RBM34: variants seen among roughly 807,000 people sequenced by gnomAD.
The protein encoded by RBM34 is RNA-binding protein 34.
In RBM34, 39 loss-of-function variants were observed where a neutral mutation model predicts 44.6. That is an observed-to-expected ratio of 0.87 (90% CI 0.68 to 1.14). The LOEUF is 1.14. RBM34 is among the 50% of genes most tolerant of loss of function. The probability of loss-of-function intolerance (pLI) is 0.00; values close to 1 mark genes in which losing one functional copy is unlikely to be tolerated. For synonymous variants in RBM34, 194 were observed against 184.0 expected, an observed-to-expected ratio of 1.05 and a Z score of -0.44; for missense variants, 572 against 517.9, an observed-to-expected ratio of 1.10 and a Z score of -1.01.
chr1:235,149,647 T>G (rs1451896638), intron 5 of RBM34, among the ~76,000 whole-genome samples: 1 of 152,034 alleles, frequency 6.6e-6, no homozygotes, highest in Non-Finnish European at 1.5e-5. Context: ...TAAGAGTGGA[T>G]GGGGCAGGTA....
In RBM34 at chr1:235,161,080, GA is replaced by G. The variant is rs774067495; in HGVS notation, c.54-14del. On this transcript the variant is annotated splice_polypyrimidine_tract_variant and intron_variant, in intron 1 of 10. Coordinates refer to ENST00000408888, the MANE Select transcript of RBM34 (RefSeq NM_015014.4). ...GTCAGGATTCTCTCTAGAAATGGAC[GA>G]CAGAAACTCAGCCACGCCACGCACC... 1 of 1,609,656 alleles carries G rather than the reference GA, an allele frequency of 6.2e-7. No individual in the cohort carries two copies. The highest frequency in any genetic ancestry group is 1.3e-5 in the African/African-American group (1 of 74,896).
intron 6 of RBM34, among the ~76,000 whole-genome samples, chr1:235,143,519 T>C (rs2102839572): frequency 1.3e-5 from 2 of 152,322 alleles, no homozygotes; most frequent in East Asian, 3.9e-4. Flanking sequence ...GCGGATCACC[T>C]GAGGTCAGGA....
At chr1:235,141,724 C>A (rs937774404) in intron 6 of RBM34, among the ~76,000 whole-genome samples, 1 of 152,138 alleles carries the variant, frequency 6.6e-6, no homozygotes, top group Non-Finnish European at 1.5e-5. Flanking sequence ...AGCGAGACCA[C>A]GAGGCCACCG....
At chr1:235,158,066 TA>T (rs67385289) in intron 3 of RBM34, among the ~76,000 whole-genome samples, 22,721 of 151,596 alleles carry the variant, frequency 0.15, 1,851 homozygotes, top group Middle Eastern at 0.22. Context: ...TTTTGGCGGT[TA>T]GGGGGAATGT....
rs754290166 is a variant in RBM34 at position 235,135,741 on chromosome 1, A to G, written c.919T>C (p.Phe307Leu). The part of the protein sequence containing the change: ...KVEESAIEKH[F>L]LDCGSIMAVR... Reference sequence around the variant, plus strand: ...GCCATGATACTTCCACAGTCCAGAAAGTGCTTCTCAATGGCAGATTCTTCA... The same window carrying G: ...GCCATGATACTTCCACAGTCCAGAAGGTGCTTCTCAATGGCAGATTCTTCA... The change falls in exon 10 of 11, where the codon TTT (phenylalanine) becomes CTT (leucine). Residue 307 changes from phenylalanine to leucine, a missense_variant. Transcript: ENST00000408888. The G allele has an allele frequency of 1.9e-6, 3 of 1,614,212 alleles. No individual in the cohort carries two copies. Among genetic ancestry groups the G allele is most frequent in the East Asian group, 2.2e-5 (1 of 44,888 alleles).
chr1:235,136,783 C>T (rs561861326), intron 8 of RBM34, among the ~76,000 whole-genome samples: 77 of 152,282 alleles, frequency 5.1e-4, no homozygotes, highest in African/African-American at 1.8e-3. Context: ...GTGTGAAGCA[C>T]GGTAGACAAG....
chr1:235,136,722 C>G (rs1170992926), intron 8 of RBM34, among the ~76,000 whole-genome samples: 2 of 152,212 alleles, frequency 1.3e-5, no homozygotes, highest in Non-Finnish European at 2.9e-5. Flanking sequence ...GGTCATGTCA[C>G]TCTTAGTTTA....
intron 4 of RBM34, among the ~76,000 whole-genome samples, chr1:235,154,119 G>A (rs560481960): frequency 1.2e-4 from 19 of 152,168 alleles, no homozygotes; most frequent in South Asian, 4.1e-4. Flanking sequence ...GGTGGCGGGC[G>A]CTTGTAGTCC....
chr1:235,153,707 T>TG (rs1194056452), intron 4 of RBM34, among the ~76,000 whole-genome samples: 2 of 152,168 alleles, frequency 1.3e-5, no homozygotes, highest in Non-Finnish European at 2.9e-5. Flanking sequence ...ATTACAGGTG[T>TG]GGGCCACCAC....
At chr1:235,160,834 AT>A in intron 2 of RBM34, 58 bp downstream of exon 2, 1 of 1,584,110 alleles carries the variant, frequency 6.3e-7, no homozygotes, top group South Asian at 1.1e-5. Context: ...AGGTAAGAAG[AT>A]TGCTTTGTAT....
In RBM34 at chr1:235,131,888, G is replaced by A; in HGVS notation, c.1118C>T (p.Ser373Leu). Residue 373 changes from serine to leucine, a missense_variant, in exon 11 of 11, where the codon TCA (serine) becomes TTA (leucine). Coordinates refer to ENST00000408888, the MANE Select transcript of RBM34 (RefSeq NM_015014.4). The part of the protein sequence containing the change: ...VNKEKFKQQN[S>L]NPRLKNVSKP... ...ACTGACATTCTTCAATCGTGGATTTGAATTTTGTTGTTTAAATTTTTCTTT... is the reference window on the plus strand; with the variant it reads ...ACTGACATTCTTCAATCGTGGATTTAAATTTTGTTGTTTAAATTTTTCTTT... The A allele has an allele frequency of 6.2e-7, 1 of 1,614,052 alleles. No individual in the cohort carries two copies. Among genetic ancestry groups the A allele is most frequent in the Non-Finnish European group, 8.5e-7 (1 of 1,179,986 alleles).
intron 10 of RBM34, 152 bp from the exon 11 acceptor site, chr1:235,132,149 TCTC>T (rs2102820128): frequency 4.5e-6 from 3 of 670,282 alleles, no homozygotes; most frequent in Middle Eastern, 4.2e-4. Flanking sequence ...GCACTCGAAG[TCTC>T]CTCATCACCA....
At chr1:235,153,329 A>C (rs1250256544) in intron 4 of RBM34, among the ~76,000 whole-genome samples, 1 of 152,126 alleles carries the variant, frequency 6.6e-6, no homozygotes, top group Non-Finnish European at 1.5e-5. Flanking sequence ...CTTTTCTTTC[A>C]ATCTTTTATA....
At position 235,135,716 on chromosome 1, in the gene RBM34, G is replaced by C. The variant is rs573981245; in HGVS notation, c.944C>G (p.Ala315Gly). 1 of 1,614,158 alleles carries C rather than the reference G, an allele frequency of 6.2e-7. No individual in the cohort carries two copies. The highest frequency in any genetic ancestry group is 1.3e-5 in the African/African-American group (1 of 75,020). The change falls in exon 10 of 11, where the codon GCC (alanine) becomes GGC (glycine). Residue 315 changes from alanine (A) to glycine (G), a missense_variant. Physicochemically the swap from Ala to Gly is moderately conservative, Grantham distance 60 (BLOSUM62 0). Transcript: ENST00000408888. Reference sequence around the variant, plus strand: ...CATTTTGTCTCTCACAATCCTCACGGCCATGATACTTCCACAGTCCAGAAA... The same window carrying C: ...CATTTTGTCTCTCACAATCCTCACGCCCATGATACTTCCACAGTCCAGAAA... Reference protein sequence around the residue: ...KHFLDCGSIMAVRIVRDKMTG... With the variant: ...KHFLDCGSIMGVRIVRDKMTG...
intron 6 of RBM34, among the ~76,000 whole-genome samples, chr1:235,142,318 G>A (rs571915825): frequency 3.9e-5 from 6 of 152,050 alleles, no homozygotes; most frequent in Non-Finnish European, 7.4e-5. Flanking sequence ...CTCTCTTGCA[G>A]TCCAGGCTGG....
intron 10 of RBM34, among the ~76,000 whole-genome samples, chr1:235,132,469 C>T (rs1223522718): frequency 6.6e-6 from 1 of 152,068 alleles, no homozygotes; most frequent in African/African-American, 2.4e-5. Context: ...CCAACATACC[C>T]AGCTAATTTT....
chr1:235,149,467 A>G (rs917876334), intron 5 of RBM34, among the ~76,000 whole-genome samples: 2 of 152,162 alleles, frequency 1.3e-5, no homozygotes, highest in Admixed American at 6.5e-5. Context: ...GTATTCTAAT[A>G]AATTTTTAAA....
chr1:235,151,388 A>C (rs1372620219), intron 5 of RBM34, among the ~76,000 whole-genome samples: 1 of 152,210 alleles, frequency 6.6e-6, no homozygotes, highest in Non-Finnish European at 1.5e-5. Context: ...GGTCTAATAC[A>C]GGGAAATGGA....
At chr1:235,158,596 T>C (rs1038554375) in intron 3 of RBM34, among the ~76,000 whole-genome samples, 56 of 152,080 alleles carry the variant, frequency 3.7e-4, no homozygotes, top group African/African-American at 1.3e-3. Context: ...GGAAGAAATA[T>C]GGCTGTGTAC....
Sources: allele counts gnomAD v4.1 joint callset (sites outside exome capture counted in the v4.1 genomes callset), GRCh38; gene constraint gnomAD v4.1.1; transcripts MANE v1.5; gene names NCBI Gene and HGNC (gene_info 2026-07-23, HGNC 2026-07-21).